Variants in RBM26 observed in about 807,000 individuals in gnomAD.
The protein encoded by RBM26 is RNA-binding protein 26.
In RBM26, 30 loss-of-function variants were observed where a neutral mutation model predicts 123.6. The observed-to-expected ratio is 0.24, with a 90% CI of 0.18 to 0.33. The LOEUF is 0.33. Among genes scored for constraint, RBM26 ranks in the 10% least tolerant of loss-of-function variants. The pLI, the probability that RBM26 is intolerant of heterozygous loss-of-function variation, is 1.00. For synonymous variants in RBM26, 400 were observed against 404.4 expected (o/e 0.99, Z 0.13); for missense variants, 947 against 1,203.6 (o/e 0.79, Z 3.15).
chr13:79,340,707 T>C (rs186696025), intron 18 of RBM26, among the ~76,000 whole-genome samples: 2 of 152,056 alleles, frequency 1.3e-5, no homozygotes, highest in East Asian at 3.9e-4. Flanking sequence ...AAAACTCAAG[T>C]AAACATATTC....
At chr13:79,367,280 G>A (rs556923013) in intron 6 of RBM26, among the ~76,000 whole-genome samples, 3 of 151,508 alleles carry the variant, frequency 2.0e-5, no homozygotes, top group African/African-American at 7.3e-5. Flanking sequence ...GGTGGCTGGC[G>A]CCCATAAGCC....
At chr13:79,402,597 T>C (rs1416460147) in intron 1 of RBM26, among the ~76,000 whole-genome samples, 1 of 152,140 alleles carries the variant, frequency 6.6e-6, no homozygotes, top group Non-Finnish European at 1.5e-5. Flanking sequence ...GCCATTCTTC[T>C]CCTTTGCTTT....
rs1381189267 is a variant in RBM26 at position 79,405,945 on chromosome 13, C to G, written c.-171G>C. On this transcript the variant is annotated 5_prime_UTR_variant, in exon 1 of 22. Transcript: ENST00000438737. Reference sequence around the variant, plus strand: ...TCGGCGAACAGCTCTGCAAGGACCGCCGCAGGCCACAAGTGCACGGGGTGC... The same window carrying G: ...TCGGCGAACAGCTCTGCAAGGACCGGCGCAGGCCACAAGTGCACGGGGTGC... 2.9e-6 allele frequency: 1 copy of G among 340,064 alleles called. No homozygotes were observed. Among genetic ancestry groups the G allele is most frequent in the Non-Finnish European group, 5.2e-6 (1 of 190,642 alleles). The allele number at this position is 340,064 out of a possible 1,614,324, so 21.1% of individuals were successfully genotyped here.
intron 11 of RBM26, 51 bp from the exon 12 acceptor site, chr13:79,355,435 T>G: frequency 6.8e-7 from 1 of 1,471,140 alleles, no homozygotes; most frequent in South Asian, 1.2e-5. Context: ...ATCTGTTGCT[T>G]CATAGAGTAA....
intron 20 of RBM26, among the ~76,000 whole-genome samples, chr13:79,329,847 C>T (rs2069019956): frequency 1.3e-5 from 2 of 152,038 alleles, no homozygotes; most frequent in African/African-American, 4.8e-5. Flanking sequence ...GATAGTAGTA[C>T]TGTATTTTTT....
chr13:79,339,943 G>T (rs1453758331), intron 18 of RBM26, among the ~76,000 whole-genome samples: 2 of 151,968 alleles, frequency 1.3e-5, no homozygotes, highest in African/African-American at 2.4e-5. Context: ...CGTGATAAAG[G>T]AAAAACAGAA....
Position 79,359,355 on chromosome 13 carries a change from A to G in RBM26, c.1529+220T>C, listed in dbSNP as rs574671337. ...TTGGAGGAGGGTAAATGATAAGAGG[A>G]AAAAATTATGCCCTGAACTACCACA... On this transcript the variant is annotated intron_variant, in intron 10 of 21. Transcript: ENST00000438737. 3.5e-4 allele frequency among the ~76,000 whole-genome samples: 54 copies of G among 152,280 alleles called. 1 individual carries two copies. The highest frequency in any genetic ancestry group is 1.2e-3 in the African/African-American group (50 of 41,566).
intron 14 of RBM26, among the ~76,000 whole-genome samples, chr13:79,345,497 G>A (rs1349213123): frequency 2.0e-5 from 3 of 151,552 alleles, no homozygotes; most frequent in African/African-American, 7.3e-5. Flanking sequence ...CTTTTCCCCC[G>A]TCTACAATGT....
At chr13:79,366,487 T>G in intron 7 of RBM26, 146 bp downstream of exon 7, 1 of 831,034 alleles carries the variant, frequency 1.2e-6, no homozygotes, top group Non-Finnish European at 1.8e-6. Flanking sequence ...AGTGGAGGTG[T>G]ATTCCAAATG....
intron 18 of RBM26, among the ~76,000 whole-genome samples, chr13:79,339,532 T>C (rs60112081): frequency 1.3e-5 from 2 of 152,310 alleles, no homozygotes; most frequent in Admixed American, 6.5e-5. Context: ...ATATATATAA[T>C]TCTTCATTTG....
chr13:79,331,826 CTT>C (rs2069475684), intron 20 of RBM26, among the ~76,000 whole-genome samples: 1 of 152,144 alleles, frequency 6.6e-6, no homozygotes, highest in African/African-American at 2.4e-5. Flanking sequence ...CTGCTTTACT[CTT>C]GTCTGAGTAC....
At chr13:79,371,778 C>A (rs2075906802) in intron 4 of RBM26, 64 bp downstream of exon 4, 2 of 1,181,294 alleles carry the variant, frequency 1.7e-6, no homozygotes, top group Non-Finnish European at 2.5e-6. Flanking sequence ...TAACCCAAGT[C>A]TAAACATTTG....
chr13:79,367,290 C>T (rs1428307319), intron 6 of RBM26, among the ~76,000 whole-genome samples: 1 of 151,154 alleles, frequency 6.6e-6, no homozygotes, highest in Non-Finnish European at 1.5e-5. Flanking sequence ...GCCCATAAGC[C>T]CAGCTATTAG....
At chr13:79,352,863 A>G (rs934459756) in intron 14 of RBM26, among the ~76,000 whole-genome samples, 2 of 152,236 alleles carry the variant, frequency 1.3e-5, no homozygotes, top group African/African-American at 4.8e-5. Context: ...GAGTTGTCAA[A>G]TCAAAATGCA....
chr13:79,337,376 A>T lies in RBM26; in HGVS notation c.2533-74T>A. 3 of 1,527,472 alleles carry T rather than the reference A, an allele frequency of 2.0e-6. No homozygotes were observed. In the South Asian group the frequency reaches 3.4e-5, roughly 17 times the overall value. The allele number at this position is 1,527,472 out of a possible 1,614,324, so 94.6% of individuals were successfully genotyped here. On this transcript the variant is annotated intron_variant, in intron 18 of 21. Coordinates refer to ENST00000438737, the MANE Select transcript of RBM26 (RefSeq NM_001366735.2). ...CAAGCCAAGCATTACACTCTGGCAGATGAATAAAACTTTAATGCAATTTGA... is the reference window on the plus strand; with the variant it reads ...CAAGCCAAGCATTACACTCTGGCAGTTGAATAAAACTTTAATGCAATTTGA...
chr13:79,375,023 T>C (rs1447582438), intron 3 of RBM26, among the ~76,000 whole-genome samples: 1 of 119,072 alleles, frequency 8.4e-6, no homozygotes, highest in Non-Finnish European at 2.0e-5. Flanking sequence ...ATATATTATA[T>C]ATATTTTATA....
At chr13:79,386,590 T>A (rs1334094367) in intron 1 of RBM26, among the ~76,000 whole-genome samples, 2 of 22,084 alleles carry the variant, frequency 9.1e-5, no homozygotes, top group African/African-American at 1.6e-4. Context: ...AACTCTCTCT[T>A]TAAAAAAAAA....
intron 4 of RBM26, among the ~76,000 whole-genome samples, chr13:79,371,390 A>G (rs1329403308): frequency 6.6e-6 from 1 of 152,200 alleles, no homozygotes; most frequent in African/African-American, 2.4e-5. Flanking sequence ...CAACTATACA[A>G]TTAGGCATCT....
Position 79,319,380 on chromosome 13 carries a change from AT to A in RBM26, c.*1240del. On this transcript the variant is annotated 3_prime_UTR_variant, in exon 22 of 22. Transcript: ENST00000438737. The stretch of plus-strand genomic sequence containing the variant: ...CCCACCCCCATTCTACAAAGAATGC[AT>A]TTATTTCCTGGAAACTGCCATATCA... 1 of 984,404 alleles carries A rather than the reference AT, an allele frequency of 1.0e-6. No homozygotes were observed. Among genetic ancestry groups the A allele is most frequent in the Non-Finnish European group, 1.2e-6 (1 of 829,216 alleles). The allele number at this position is 984,404 out of a possible 1,614,324, so 61.0% of individuals were successfully genotyped here.
Sources: gnomAD v4.1 joint callset for allele counts (sites outside exome capture counted in the v4.1 genomes callset) on GRCh38, gnomAD v4.1.1 for gene constraint, MANE v1.5 for transcripts, NCBI Gene and HGNC (gene_info 2026-07-23, HGNC 2026-07-21) for gene names.